The following FERMT3 variants were observed in gnomAD, a reference collection of about 807,000 sequenced individuals.
FERMT3 encodes FERM domain containing kindlin 3, also known as fermitin family homolog 3.
Under a neutral mutation model 80.8 loss-of-function variants are expected in FERMT3, and 33 were observed. That is an observed-to-expected ratio of 0.41 (90% CI 0.31 to 0.55). FERMT3 has a LOEUF of 0.55. Ranked by LOEUF, FERMT3 falls within the 20% of genes least tolerant of loss-of-function variation. The probability of loss-of-function intolerance (pLI) is 0.31; values close to 1 mark genes in which losing one functional copy is unlikely to be tolerated. For synonymous variants in FERMT3, 375 were observed against 372.2 expected, an observed-to-expected ratio of 1.01 and a Z score of -0.09; for missense variants, 754 against 908.7, an observed-to-expected ratio of 0.83 and a Z score of 2.19.
At chr11:64,221,235 AC>A in intron 13 of FERMT3, 95 bp downstream of exon 13, 1 of 1,320,264 alleles carries the variant, frequency 7.6e-7, no homozygotes, top group South Asian at 1.2e-5. Flanking sequence ...TAGGTTCTGG[AC>A]AGGCACCCCA....
rs1456066443 is a variant in FERMT3, at chr11:64,207,467, C to T, written c.103C>T (p.Arg35Trp). The stretch of plus-strand genomic sequence containing the variant: ...CCCAGAGGCCGAGTCGGTCACCCTG[C>T]GGGTCACTGGGGAGTCGCACATCGG... ...EDPEAESVTL[R>W]VTGESHIGGV... Residue 35 changes from arginine (R) to tryptophan (W), a missense_variant, in exon 2 of 15, where the codon CGG becomes TGG. Coordinates refer to ENST00000345728, the MANE Select transcript of FERMT3 (RefSeq NM_031471.6). The T allele has an allele frequency of 2.5e-6, 4 of 1,613,882 alleles. No individual in the cohort carries two copies. Among genetic ancestry groups the T allele is most frequent in the African/African-American group, 1.3e-5 (1 of 74,912 alleles).
intron 13 of FERMT3, among the ~76,000 whole-genome samples, chr11:64,222,368 C>T (rs1946715682): frequency 6.6e-6 from 1 of 151,756 alleles, no homozygotes; most frequent in Admixed American, 6.6e-5. Context: ...AGTTCGAGAC[C>T]AGCCTGACCA....
At chr11:64,222,967 C>T (rs1946745197) in intron 13 of FERMT3, 81 bp from the exon 14 acceptor site, 71 of 1,589,530 alleles carry the variant, frequency 4.5e-5, no homozygotes, top group Non-Finnish European at 5.8e-5. Context: ...GGCTGGCTCT[C>T]CAGCACGGCG....
intron 6 of FERMT3, among the ~76,000 whole-genome samples, chr11:64,215,995 C>T (rs1442970699): frequency 6.6e-6 from 1 of 151,906 alleles, no homozygotes; most frequent in Non-Finnish European, 1.5e-5. Context: ...CCACACCCAA[C>T]TAATTTTTGT....
intron 6 of FERMT3, among the ~76,000 whole-genome samples, chr11:64,213,842 G>A (rs1282389356): frequency 2.0e-5 from 3 of 152,152 alleles, no homozygotes; most frequent in South Asian, 4.1e-4. Flanking sequence ...GATTACAGGC[G>A]TGAGCCACGG....
chr11:64,210,553 G>A lies in FERMT3; in HGVS notation c.161-58G>A, dbSNP rs1442163213. ...GGCTTCTGAATCCTGGGGTTGTGCTGGGTGTTGGGGGCACCAGGGAGGAAG... is the reference window on the plus strand; with the variant it reads ...GGCTTCTGAATCCTGGGGTTGTGCTAGGTGTTGGGGGCACCAGGGAGGAAG... On this transcript the variant is annotated intron_variant, in intron 2 of 14. Coordinates refer to ENST00000345728, the MANE Select transcript of FERMT3 (RefSeq NM_031471.6). This position sits in a 1 kb window ranked among gnomAD's most constrained non-coding sequence, Gnocchi z 4.3. 3 of 1,538,280 alleles carry A rather than the reference G, an allele frequency of 2.0e-6. No individual in the cohort carries two copies. Among genetic ancestry groups the A allele is most frequent in the African/African-American group, 1.4e-5 (1 of 73,406 alleles).
At chr11:64,217,503 C>T (rs550178126) in intron 6 of FERMT3, among the ~76,000 whole-genome samples, 3 of 152,142 alleles carry the variant, frequency 2.0e-5, no homozygotes, top group African/African-American at 4.8e-5. Flanking sequence ...GAGCCAAGAT[C>T]GTGCCATTGT....
At position 64,223,413 on chromosome 11, in the gene FERMT3, C is replaced by G. The variant is rs1305088399; in HGVS notation, c.1913C>G (p.Ser638Trp). ...TATATCGGGGGCTACATTTTCCTGT[C>G]GACGCGGGAGCGGGCCCGTGGGGAG... is the stretch of plus-strand genomic sequence containing the variant. ...HEYIGGYIFL[S>W]TRERARGEEL... The change falls in exon 15 of 15, where the codon TCG becomes TGG. Residue 638 changes from serine to tryptophan, a missense_variant. By Grantham distance (177) the Ser-to-Trp change is radical. Transcript: ENST00000345728. 2 of 1,613,694 alleles carry G rather than the reference C, an allele frequency of 1.2e-6. No individual in the cohort carries two copies. Among genetic ancestry groups the G allele is most frequent in the Non-Finnish European group, 1.7e-6 (2 of 1,180,030 alleles).
At position 64,211,342 on chromosome 11, in the gene FERMT3, C is replaced by G; in HGVS notation, c.582C>G (p.Cys194Trp). The G allele has an allele frequency of 1.9e-6, 3 of 1,612,834 alleles. No individual in the cohort carries two copies. The highest frequency in any genetic ancestry group is 2.5e-6 in the Non-Finnish European group (3 of 1,179,754). ...HFSDSAQTEA[C>W]YHMLSRPQPP... is the part of the protein sequence containing the mutation. ...CGGACAGCGCCCAGACTGAGGCCTG[C>G]TACCACATGCTGAGCCGGCCCCAGC... The change falls in exon 5 of 15, where the codon TGC becomes TGG. Residue 194 changes from cysteine (C) to tryptophan (W), a missense_variant. Transcript: ENST00000345728. This position sits in a 1 kb window ranked among gnomAD's most constrained non-coding sequence, Gnocchi z 4.7.
rs1006098373 is a variant in FERMT3 at position 64,219,290 on chromosome 11, C to T, written c.826C>T (p.Arg276Trp). The change falls in exon 7 of 15, where the codon CGG (arginine) becomes TGG (tryptophan). Residue 276 changes from arginine (R) to tryptophan (W), a missense_variant. Coordinates refer to ENST00000345728, the MANE Select transcript of FERMT3 (RefSeq NM_031471.6). The surrounding 1 kb of genome is among the most constrained non-coding windows in gnomAD (Gnocchi z 4.0). ...GCTGACACAGCTGTATGAGCAGGCCCGGTGGGACCTGCTGCTGGAGGAGAT... is the reference window on the plus strand; with the variant it reads ...GCTGACACAGCTGTATGAGCAGGCCTGGTGGGACCTGCTGCTGGAGGAGAT... Reference protein sequence around the residue: ...VRLTQLYEQARWDLLLEEIDC... With the variant: ...VRLTQLYEQAWWDLLLEEIDC... 8.7e-6 allele frequency: 14 copies of T among 1,608,380 alleles called. No homozygotes were observed. Among genetic ancestry groups the T allele is most frequent in the African/African-American group, 1.3e-5 (1 of 74,746 alleles).
chr11:64,209,245 G>A (rs1169599011), intron 2 of FERMT3, among the ~76,000 whole-genome samples: 1 of 152,206 alleles, frequency 6.6e-6, no homozygotes, highest in Admixed American at 6.5e-5. Context: ...GAGTCATGGT[G>A]CTTACAGTCC....
chr11:64,215,326 A>G (rs141296710), intron 6 of FERMT3, among the ~76,000 whole-genome samples: 2 of 152,314 alleles, frequency 1.3e-5, no homozygotes, highest in African/African-American at 2.4e-5. Context: ...TAAGGCTATT[A>G]GCCATCTGGA....
At chr11:64,216,653 G>A (rs975483119) in intron 6 of FERMT3, among the ~76,000 whole-genome samples, 18 of 150,762 alleles carry the variant, frequency 1.2e-4, no homozygotes, top group Admixed American at 9.2e-4. Context: ...AAAATTAGCC[G>A]GGCGTGGTGG....
rs754239815 is a variant in FERMT3 at position 64,223,065 on chromosome 11, A to G, written c.1688A>G (p.Lys563Arg). 3 of 1,613,688 alleles carry G rather than the reference A, an allele frequency of 1.9e-6. 1 individual carries two copies. In the East Asian group the frequency reaches 6.7e-5, roughly 36 times the overall value. The stretch of plus-strand genomic sequence containing the variant: ...GGGGCCAGGTTCAAGGGCAGCAGGA[A>G]AGACGAGATCCTGGGCATCGCCAAC... The part of the protein sequence containing the change: ...YVMVRFKGSR[K>R]DEILGIANNR... The change falls in exon 14 of 15, where the codon AAA (lysine) becomes AGA (arginine). Residue 563 changes from lysine to arginine, a missense_variant. Coordinates refer to ENST00000345728, the MANE Select transcript of FERMT3 (RefSeq NM_031471.6).
In FERMT3 at chr11:64,219,678, A is replaced by G. The variant is rs778980698; in HGVS notation, c.1029+20A>G. 1.1e-5 allele frequency: 18 copies of G among 1,613,738 alleles called. No individual in the cohort carries two copies. The highest frequency in any genetic ancestry group is 1.4e-5 in the Non-Finnish European group (17 of 1,179,986). On this transcript the variant is annotated intron_variant, in intron 8 of 14. Coordinates refer to ENST00000345728, the MANE Select transcript of FERMT3 (RefSeq NM_031471.6). The surrounding 1 kb of genome is among the most constrained non-coding windows in gnomAD (Gnocchi z 4.0). Reference sequence around the variant, plus strand: ...GTGCTGGTGAGGAGGGGCTCAGGGCAGGGGCTGGGCAGGGAGAACTGTGAG... The same window carrying G: ...GTGCTGGTGAGGAGGGGCTCAGGGCGGGGGCTGGGCAGGGAGAACTGTGAG...
intron 2 of FERMT3, among the ~76,000 whole-genome samples, chr11:64,209,015 G>T (rs944033420): frequency 1.3e-5 from 2 of 152,188 alleles, no homozygotes; most frequent in Non-Finnish European, 2.9e-5. Context: ...CTAAGGCCGG[G>T]CAGGGAGGAT....
intron 6 of FERMT3, among the ~76,000 whole-genome samples, chr11:64,218,575 G>C (rs1946602787): frequency 6.6e-6 from 1 of 152,248 alleles, no homozygotes; most frequent in Non-Finnish European, 1.5e-5. Context: ...AAAGTGCTGG[G>C]ATTACAGGCG....
chr11:64,217,108 T>C lies in FERMT3; in HGVS notation c.787-2143T>C, dbSNP rs543815140. On this transcript the variant is annotated intron_variant, in intron 6 of 14. Coordinates refer to ENST00000345728, the MANE Select transcript of FERMT3 (RefSeq NM_031471.6). ...AGGCGATGGGGCCGGGCTGCCACTC[T>C]TTGTCGGGCATTTCTCTGGTGGCTC... Among the ~76,000 whole-genome samples, 254 of 152,322 alleles carry C rather than the reference T, an allele frequency of 1.7e-3. 2 individuals are homozygous for C. The highest frequency in any genetic ancestry group is 5.7e-3 in the African/African-American group (238 of 41,572).
At chr11:64,213,822 A>G (rs2134856616) in intron 6 of FERMT3, among the ~76,000 whole-genome samples, 1 of 152,178 alleles carries the variant, frequency 6.6e-6, no homozygotes, top group Non-Finnish European at 1.5e-5. Flanking sequence ...TTGGCCTCCC[A>G]AAGTGCTGGG....
Sources: allele counts gnomAD v4.1 joint callset (sites outside exome capture counted in the v4.1 genomes callset), GRCh38; gene constraint gnomAD v4.1.1; non-coding constraint Gnocchi (gnomAD v3.1); transcripts MANE v1.5; gene names NCBI Gene and HGNC (gene_info 2026-07-23, HGNC 2026-07-21).